BCKDHB: variants seen among roughly 807,000 people sequenced by gnomAD.
The protein encoded by BCKDHB is branched chain keto acid dehydrogenase E1 subunit beta.
In BCKDHB, 41 loss-of-function variants were observed where a neutral mutation model predicts 48.5. The ratio of observed to expected loss-of-function variants is 0.85; its 90% CI spans 0.66 to 1.10. BCKDHB has a LOEUF of 1.10. BCKDHB is among the 50% of genes least tolerant of loss of function. BCKDHB has a pLI of 0.00. For missense variants in BCKDHB, 496 were observed against 494.2 expected (o/e 1.00, Z -0.03); for synonymous variants, 201 against 174.8 (o/e 1.15, Z -1.18).
downstream of BCKDHB, among the ~76,000 whole-genome samples, chr6:80,347,326 A>G (rs1770260093): frequency 6.6e-6 from 1 of 152,240 alleles, no homozygotes; most frequent in African/African-American, 2.4e-5. Context: ...TAGGGAGTTC[A>G]GTTGGCTTAC....
intron 9 of BCKDHB, among the ~76,000 whole-genome samples, chr6:80,277,414 A>G (rs1202726328): frequency 6.6e-6 from 1 of 152,026 alleles, no homozygotes; most frequent in African/African-American, 2.4e-5. Context: ...TATTTATTTA[A>G]ATATTAAGAC....
At chr6:80,207,172 G>A (rs902793514) in intron 8 of BCKDHB, among the ~76,000 whole-genome samples, 4 of 151,892 alleles carry the variant, frequency 2.6e-5, no homozygotes, top group Non-Finnish European at 2.9e-5. Flanking sequence ...TTGATTATCC[G>A]AAACAGTAGT....
chr6:80,363,295 T>C, the BCKDHB span, among the ~76,000 whole-genome samples: 2 of 152,218 alleles, frequency 1.3e-5, no homozygotes, highest in African/African-American at 4.8e-5. Context: ...TTCTTTTCAT[T>C]GATGAGAATT....
intron 8 of BCKDHB, among the ~76,000 whole-genome samples, chr6:80,226,066 A>G (rs1290182374): frequency 2.6e-5 from 4 of 152,324 alleles, no homozygotes; most frequent in Non-Finnish European, 5.9e-5. Flanking sequence ...ACCTTACTGT[A>G]AATTTAAGGC....
chr6:80,135,180 A>G (rs532045454), intron 3 of BCKDHB, among the ~76,000 whole-genome samples: 2 of 152,242 alleles, frequency 1.3e-5, no homozygotes, highest in African/African-American at 2.4e-5. Context: ...TTCTTGTTGC[A>G]AAGAACGGGT....
the BCKDHB span, among the ~76,000 whole-genome samples, chr6:80,466,562 G>A: frequency 6.6e-6 from 1 of 152,116 alleles, no homozygotes; most frequent in South Asian, 2.1e-4. Flanking sequence ...TAATTAGCTT[G>A]ATTATGGTAA....
intron 8 of BCKDHB, among the ~76,000 whole-genome samples, chr6:80,232,597 A>G (rs2127891217): frequency 6.7e-6 from 1 of 150,314 alleles, no homozygotes; most frequent in South Asian, 2.1e-4. Context: ...TATATACTGT[A>G]TATATACTAC....
intron 3 of BCKDHB, among the ~76,000 whole-genome samples, chr6:80,141,785 GAAAAGT>G (rs1472843815): frequency 1.3e-5 from 2 of 152,034 alleles, no homozygotes; most frequent in Non-Finnish European, 2.9e-5. Flanking sequence ...ATATGTATTA[GAAAAGT>G]AAAAGATCTT....
chr6:80,275,508 T>G (rs953830149), intron 9 of BCKDHB, among the ~76,000 whole-genome samples: 6 of 152,044 alleles, frequency 3.9e-5, no homozygotes, highest in Non-Finnish European at 7.4e-5. Context: ...ATGAGAAATT[T>G]GAAAGGTACA....
chr6:80,210,859 G>A (rs2127841053), intron 8 of BCKDHB, among the ~76,000 whole-genome samples: 1 of 152,222 alleles, frequency 6.6e-6, no homozygotes, highest in South Asian at 2.1e-4. Flanking sequence ...TAGGGTTATG[G>A]GCTTTAATGG....
intron 8 of BCKDHB, 94 bp from the exon 9 acceptor site, chr6:80,273,039 ATG>A: frequency 2.3e-6 from 2 of 887,664 alleles, no homozygotes; most frequent in Non-Finnish European, 3.6e-6. Flanking sequence ...TATTTATTGA[ATG>A]TATATAATTT....
At chr6:80,124,532 G>T (rs990217362) in intron 1 of BCKDHB, among the ~76,000 whole-genome samples, 1 of 152,028 alleles carries the variant, frequency 6.6e-6, no homozygotes, top group African/African-American at 2.4e-5. Flanking sequence ...GAGTCTCTTT[G>T]TAGGTCTCTA....
At chr6:80,252,757 TTAC>T (rs1344510978) in intron 8 of BCKDHB, among the ~76,000 whole-genome samples, 3 of 152,216 alleles carry the variant, frequency 2.0e-5, no homozygotes, top group East Asian at 1.9e-4. Context: ...TGATACTATC[TTAC>T]TACAAGAGAT....
At chr6:80,373,220 C>G in the BCKDHB span, among the ~76,000 whole-genome samples, 1 of 152,166 alleles carries the variant, frequency 6.6e-6, no homozygotes, top group Admixed American at 6.5e-5. Flanking sequence ...TCTAGGTGTT[C>G]TAGTTTGTGC....
At chr6:80,139,223 G>A (rs1771057723) in intron 3 of BCKDHB, among the ~76,000 whole-genome samples, 4 of 152,184 alleles carry the variant, frequency 2.6e-5, no homozygotes, top group African/African-American at 9.6e-5. Context: ...AGATGAGTAA[G>A]TTGTGAAAAT....
chr6:80,198,235 A>G (rs1412726660), intron 6 of BCKDHB, among the ~76,000 whole-genome samples: 1 of 152,200 alleles, frequency 6.6e-6, no homozygotes, highest in Non-Finnish European at 1.5e-5. Flanking sequence ...GCTGTTTACA[A>G]AAAAATCAAC....
At chr6:80,112,089 A>G (rs1034411901) in intron 1 of BCKDHB, among the ~76,000 whole-genome samples, 1 of 152,246 alleles carries the variant, frequency 6.6e-6, no homozygotes, top group Non-Finnish European at 1.5e-5. Flanking sequence ...TACTTAATTT[A>G]TGAGCGCTCC....
intron 3 of BCKDHB, among the ~76,000 whole-genome samples, chr6:80,141,339 A>G (rs1771200924): frequency 6.6e-6 from 1 of 152,116 alleles, no homozygotes; most frequent in South Asian, 2.1e-4. Flanking sequence ...GTCATGAAAT[A>G]AGAGGCTAGC....
chr6:80,170,047 C>CT (rs1270553405), intron 5 of BCKDHB: 1,258 of 606,376 alleles, frequency 2.1e-3, no homozygotes, highest in Non-Finnish European at 2.4e-3. Context: ...TTCCTTTTTC[C>CT]TTTTTTTTTC....
Sources: gnomAD v4.1 joint callset for allele counts (sites outside exome capture counted in the v4.1 genomes callset) on GRCh38, gnomAD v4.1.1 for gene constraint, MANE v1.5 for transcripts, NCBI Gene and HGNC (gene_info 2026-07-23, HGNC 2026-07-21) for gene names.